ATG7: variants seen among roughly 807,000 people sequenced by gnomAD.
ATG7 encodes ubiquitin-like modifier-activating enzyme ATG7.
In ATG7, 70 loss-of-function variants were observed where a neutral mutation model predicts 82.4. The ratio of observed to expected loss-of-function variants is 0.85; its 90% confidence interval spans 0.70 to 1.04. ATG7 has a LOEUF of 1.04. Among genes scored for constraint, ATG7 ranks in the 50% least tolerant of loss-of-function variants. The pLI, the probability that ATG7 is intolerant of heterozygous loss-of-function variation, is 0.00. For synonymous variants in ATG7, 287 were observed against 313.0 expected, an observed-to-expected ratio of 0.92 and a Z score of 0.88; for missense variants, 792 against 864.3, an observed-to-expected ratio of 0.92 and a Z score of 1.05.
intron 18 of ATG7, among the ~76,000 whole-genome samples, chr3:11,374,313 C>G (rs1559493217): frequency 6.6e-6 from 1 of 152,152 alleles, no homozygotes; most frequent in Non-Finnish European, 1.5e-5. Flanking sequence ...TAATGGCCAA[C>G]CAATACAGTT....
intron 3 of ATG7, chr3:11,288,884 T>C (rs1245777947): frequency 6.6e-6 from 1 of 152,224 alleles, no homozygotes; most frequent in African/African-American, 2.4e-5. Context: ...CCACACACGC[T>C]GCTATTTCAG....
At chr3:11,503,457 A>C (rs917455394) in intron 20 of ATG7, among the ~76,000 whole-genome samples, 2 of 152,052 alleles carry the variant, frequency 1.3e-5, no homozygotes, top group Non-Finnish European at 2.9e-5. Context: ...AAATGCTATT[A>C]ACAAAAAAAA....
intron 19 of ATG7, among the ~76,000 whole-genome samples, chr3:11,384,078 C>T (rs1277937484): frequency 6.6e-6 from 1 of 152,198 alleles, no homozygotes; most frequent in Admixed American, 6.5e-5. Context: ...TATGACTAGT[C>T]CTTCTCTAAA....
intron 19 of ATG7, among the ~76,000 whole-genome samples, chr3:11,413,337 C>T (rs1013223255): frequency 5.3e-5 from 8 of 151,970 alleles, no homozygotes; most frequent in Non-Finnish European, 7.4e-5. Context: ...AGGCAGTTTC[C>T]TTCTATTCCT....
intron 11 of ATG7, among the ~76,000 whole-genome samples, chr3:11,334,119 A>G (rs981215968): frequency 6.6e-6 from 1 of 152,190 alleles, no homozygotes; most frequent in African/African-American, 2.4e-5. Context: ...CTGGCACATC[A>G]TAGGTGCTTA....
chr3:11,544,622 C>T (rs1468054241), intron 20 of ATG7, among the ~76,000 whole-genome samples: 1 of 152,212 alleles, frequency 6.6e-6, no homozygotes, highest in Non-Finnish European at 1.5e-5. Context: ...TGCTTGCCCC[C>T]GCCCACCCCT....
intron 19 of ATG7, among the ~76,000 whole-genome samples, chr3:11,403,809 G>A (rs2080072355): frequency 6.6e-6 from 1 of 152,158 alleles, no homozygotes; most frequent in Non-Finnish European, 1.5e-5. Context: ...AGTGGATATT[G>A]GTTACTCCTT....
chr3:11,414,111 C>T (rs765310964), intron 19 of ATG7, among the ~76,000 whole-genome samples: 4 of 152,096 alleles, frequency 2.6e-5, no homozygotes, highest in Non-Finnish European at 5.9e-5. Flanking sequence ...GCTCTTGTTG[C>T]CCAGGCTGGA....
intron 9 of ATG7, among the ~76,000 whole-genome samples, chr3:11,317,006 T>A (rs570291384): frequency 4.7e-4 from 71 of 151,986 alleles, no homozygotes; most frequent in Non-Finnish European, 7.8e-4. Context: ...CACCTCCCCT[T>A]TTTTGTTGTA....
At chr3:11,395,428 C>A (rs1196452059) in intron 19 of ATG7, among the ~76,000 whole-genome samples, 1 of 151,960 alleles carries the variant, frequency 6.6e-6, no homozygotes, top group Non-Finnish European at 1.5e-5. Flanking sequence ...AAACTAAATC[C>A]ACACCAAGAC....
intron 19 of ATG7, among the ~76,000 whole-genome samples, chr3:11,420,362 C>A (rs1486630327): frequency 6.6e-6 from 1 of 151,634 alleles, no homozygotes; most frequent in Non-Finnish European, 1.5e-5. Context: ...TTGTTTTTTT[C>A]ATTCTGCCCT....
chr3:11,564,952 C>G, the ATG7 span: 1 of 1,568,082 alleles, frequency 6.4e-7, no homozygotes, highest in South Asian at 1.2e-5. Flanking sequence ...GGGGCCACAG[C>G]GCGCTCGATG....
chr3:11,484,265 G>A (rs2089356811), intron 20 of ATG7, among the ~76,000 whole-genome samples: 1 of 152,154 alleles, frequency 6.6e-6, no homozygotes, highest in African/African-American at 2.4e-5. Context: ...ATGGTGGCGT[G>A]CACCTGTAAT....
intron 19 of ATG7, among the ~76,000 whole-genome samples, chr3:11,401,026 A>G (rs1290365724): frequency 1.3e-5 from 2 of 152,228 alleles, no homozygotes; most frequent in Admixed American, 6.5e-5. Context: ...TTGAATCCCA[A>G]GATGTTGTGC....
chr3:11,417,679 TC>T (rs2081484138), intron 19 of ATG7, among the ~76,000 whole-genome samples: 1 of 151,946 alleles, frequency 6.6e-6, no homozygotes, highest in East Asian at 1.9e-4. Flanking sequence ...TGGATTAATA[TC>T]TGCCATATTT....
In ATG7 at chr3:11,408,154, A is replaced by G. The variant is rs1289462306; in HGVS notation, c.1957-18650A>G. On this transcript the variant is annotated intron_variant, in intron 19 of 20. Coordinates refer to ENST00000693202, the MANE Select transcript of ATG7 (RefSeq NM_001349232.2). ...TTGCTGCTTAGAAATTTCTTCTGCC[A>G]GATACTCTAAATCATCTCTCAAGTT... is the stretch of plus-strand genomic sequence containing the variant. 5.9e-5 allele frequency among the ~76,000 whole-genome samples: 9 copies of G among 152,364 alleles called. No homozygotes were observed. The East Asian group carries it at 1.7e-3, about 29-fold the overall frequency.
downstream of ATG7, chr3:11,558,844 A>C: frequency 6.2e-7 from 1 of 1,608,398 alleles, no homozygotes; most frequent in Non-Finnish European, 8.5e-7. Context: ...GCAAGCAGGA[A>C]GGCAGGCAGT....
chr3:11,414,205 C>T (rs1449279631), intron 19 of ATG7, among the ~76,000 whole-genome samples: 2 of 152,044 alleles, frequency 1.3e-5, no homozygotes, highest in Non-Finnish European at 2.9e-5. Flanking sequence ...AGCTGGGATT[C>T]CAGGTGCACA....
At chr3:11,380,376 C>T (rs1018235334) in intron 19 of ATG7, among the ~76,000 whole-genome samples, 6 of 152,120 alleles carry the variant, frequency 3.9e-5, no homozygotes, top group African/African-American at 7.2e-5. Flanking sequence ...TAGCCAGGAC[C>T]CTCATAGAGC....
Sources: gnomAD v4.1 joint callset for allele counts (sites outside exome capture counted in the v4.1 genomes callset) on GRCh38, gnomAD v4.1.1 for gene constraint, MANE v1.5 for transcripts, NCBI Gene and HGNC (gene_info 2026-07-23, HGNC 2026-07-21) for gene names.